Variants in GRM5 observed in about 807,000 individuals in gnomAD.
GRM5 encodes glutamate metabotropic receptor 5, also known as metabotropic glutamate receptor 5.
Under a neutral mutation model 83.1 loss-of-function variants are expected in GRM5, and 19 were observed. The observed-to-expected ratio is 0.23, with a 90% CI of 0.16 to 0.34. GRM5 has a LOEUF of 0.34. Ranked by LOEUF, GRM5 falls within the 10% of genes least tolerant of loss-of-function variation. The pLI is 1.00. For missense variants in GRM5, 1,160 were observed against 1,588.3 expected (o/e 0.73, Z 4.58); for synonymous variants, 675 against 633.6 (o/e 1.07, Z -0.98).
intron 2 of GRM5, among the ~76,000 whole-genome samples, chr11:88,912,251 T>C (rs1427407474): frequency 6.6e-6 from 1 of 151,968 alleles, no homozygotes; most frequent in African/African-American, 2.4e-5. Context: ...ATAACTAAAA[T>C]AATGATAATG....
intron 3 of GRM5, among the ~76,000 whole-genome samples, chr11:88,845,677 C>A (rs1024172587): frequency 6.6e-6 from 1 of 151,962 alleles, no homozygotes; most frequent in African/African-American, 2.4e-5. Flanking sequence ...TCATGATCCA[C>A]CCGCCTCTGC....
rs564365131 is a variant in GRM5, at chr11:88,578,921, T to C, written c.1691-10929A>G. Among the ~76,000 whole-genome samples, 5 of 152,138 alleles carry C rather than the reference T, an allele frequency of 3.3e-5. No homozygotes were observed. In the East Asian group the frequency reaches 9.7e-4, roughly 29 times the overall value. On this transcript the variant is annotated intron_variant, in intron 7 of 9. Transcript: ENST00000305447. ...AGAGATCCTGTTAGAAAGAATCCAT[T>C]GATTCACAATCACTTCCATATTTCC...
At chr11:88,525,802 A>T (rs56859701) in intron 8 of GRM5, among the ~76,000 whole-genome samples, 20,079 of 152,272 alleles carry the variant, frequency 0.13, 1,447 homozygotes, top group Non-Finnish European at 0.16. Context: ...AATTGTATCC[A>T]GGCAACAGCC....
intron 1 of GRM5, among the ~76,000 whole-genome samples, chr11:89,060,615 G>C (rs1941972614): frequency 6.6e-6 from 1 of 152,086 alleles, no homozygotes. Flanking sequence ...GGATGAGTCT[G>C]CACCAAGACT....
intron 3 of GRM5, among the ~76,000 whole-genome samples, chr11:88,843,870 C>T (rs542697697): frequency 6.6e-6 from 1 of 152,156 alleles, no homozygotes; most frequent in Non-Finnish European, 1.5e-5. Flanking sequence ...TAATCAAGAG[C>T]AAGATCTTAA....
At chr11:88,920,430 C>A (rs376641992) in intron 2 of GRM5, among the ~76,000 whole-genome samples, 59 of 10,644 alleles carry the variant, frequency 5.5e-3, no homozygotes, top group Admixed American at 0.011. Flanking sequence ...AAAAAAAAAC[C>A]AAAAAAAAAA....
chr11:88,906,096 T>C (rs917242743), intron 2 of GRM5, among the ~76,000 whole-genome samples: 1 of 152,166 alleles, frequency 6.6e-6, no homozygotes, highest in Non-Finnish European at 1.5e-5. Context: ...ACCTTCTGTT[T>C]TGTAAACGCA....
chr11:88,526,644 G>T (rs183741518), intron 8 of GRM5, among the ~76,000 whole-genome samples: 1 of 152,106 alleles, frequency 6.6e-6, no homozygotes, highest in East Asian at 1.9e-4. Context: ...TTATTTTCCT[G>T]CTGTTTCAAA....
intron 1 of GRM5, among the ~76,000 whole-genome samples, chr11:89,064,878 CTCTCTCTCTCTGTGTG>C (rs779966617): frequency 4.4e-4 from 25 of 56,472 alleles, no homozygotes; most frequent in South Asian, 8.0e-4. Context: ...CTCTCTCTCT[CTCTCTCTCTCTGTGTG>C]TGTGTGTGTG....
At chr11:89,028,767 G>A (rs1205588610) in intron 2 of GRM5, among the ~76,000 whole-genome samples, 1 of 152,120 alleles carries the variant, frequency 6.6e-6, no homozygotes, top group Non-Finnish European at 1.5e-5. Flanking sequence ...GTTAGTAATA[G>A]AAAATTAAAT....
At chr11:88,817,277 C>G (rs1404907102) in intron 3 of GRM5, among the ~76,000 whole-genome samples, 5 of 152,044 alleles carry the variant, frequency 3.3e-5, no homozygotes, top group African/African-American at 9.7e-5. Context: ...TACACGTAAA[C>G]AGTACATAAA....
chr11:88,631,113 C>T (rs1938957939), intron 4 of GRM5, among the ~76,000 whole-genome samples: 1 of 152,050 alleles, frequency 6.6e-6, no homozygotes, highest in African/African-American at 2.4e-5. Flanking sequence ...AAAAACCTTC[C>T]CACATAGTTG....
intron 3 of GRM5, among the ~76,000 whole-genome samples, chr11:88,749,000 C>CA (rs1270059584): frequency 1.3e-5 from 2 of 152,116 alleles, no homozygotes; most frequent in African/African-American, 4.8e-5. Context: ...AGAATCAACA[C>CA]AAAAATGCTG....
intron 2 of GRM5, among the ~76,000 whole-genome samples, chr11:89,029,273 G>A (rs1673770083): frequency 6.6e-6 from 1 of 152,128 alleles, no homozygotes; most frequent in African/African-American, 2.4e-5. Context: ...AAGTTATCTG[G>A]TAGAAACACT....
rs558637477 is a variant in GRM5 at position 88,873,018 on chromosome 11, A to G, written c.662-22863T>C. Among the ~76,000 whole-genome samples the G allele has an allele frequency of 4.0e-5, 6 of 151,684 alleles. No individual in the cohort carries two copies. In the East Asian group the frequency reaches 1.2e-3, roughly 29 times the overall value. ...AGACTGAAAGTGAAGTAAGGAATGA[A>G]AAAGATATTCCACACAAATGGAAAC... On this transcript the variant is annotated intron_variant, in intron 2 of 9. Coordinates refer to ENST00000305447, the MANE Select transcript of GRM5 (RefSeq NM_001143831.3).
intron 3 of GRM5, among the ~76,000 whole-genome samples, chr11:88,732,966 C>T (rs1173127946): frequency 1.3e-5 from 2 of 151,990 alleles, no homozygotes; most frequent in African/African-American, 2.4e-5. Flanking sequence ...GTGCATTTTC[C>T]GTTTGTTTAT....
intron 7 of GRM5, among the ~76,000 whole-genome samples, chr11:88,580,156 G>T (rs902480005): frequency 6.6e-6 from 1 of 152,176 alleles, no homozygotes; most frequent in South Asian, 2.1e-4. Context: ...GATTAAGAAG[G>T]TAAAGACCTG....
At chr11:88,615,481 C>A (rs1209086913) in intron 4 of GRM5, among the ~76,000 whole-genome samples, 2 of 152,066 alleles carry the variant, frequency 1.3e-5, no homozygotes, top group Admixed American at 6.6e-5. Context: ...TACTTTCCAG[C>A]CTTCTTCCTC....
At chr11:88,529,948 T>C (rs1422241515) in intron 8 of GRM5, among the ~76,000 whole-genome samples, 1 of 152,016 alleles carries the variant, frequency 6.6e-6, no homozygotes, top group Non-Finnish European at 1.5e-5. Flanking sequence ...GAATATTTGA[T>C]TTGAGATGCT....
Sources: allele counts gnomAD v4.1 joint callset (sites outside exome capture counted in the v4.1 genomes callset), GRCh38; gene constraint gnomAD v4.1.1; transcripts MANE v1.5; gene names NCBI Gene and HGNC (gene_info 2026-07-23, HGNC 2026-07-21).